The following NCOR2 variants were observed in gnomAD, a reference collection of about 807,000 sequenced individuals.
NCOR2 encodes the protein CTG repeat protein 26.
Under a neutral mutation model 262.9 loss-of-function variants are expected in NCOR2, and 81 were observed. The ratio of observed to expected loss-of-function variants is 0.31; its 90% CI spans 0.26 to 0.37. NCOR2 has a LOEUF of 0.37. Ranked by LOEUF, NCOR2 falls within the 10% of genes least tolerant of loss-of-function variation. NCOR2 has a pLI of 1.00. For missense variants in NCOR2, 3,385 were observed against 3,621.4 expected (o/e 0.93, Z 1.68); for synonymous variants, 1,659 against 1,559.3 (o/e 1.06, Z -1.51).
At chr12:124,545,385 T>C (rs1382550859) in intron 1 of NCOR2, among the ~76,000 whole-genome samples, 1 of 152,116 alleles carries the variant, frequency 6.6e-6, no homozygotes, top group Non-Finnish European at 1.5e-5. Flanking sequence ...AGATCTTCCA[T>C]GGGCAGGGCT....
chr12:124,334,365 C>T, intron 41 of NCOR2, 59 bp downstream of exon 43: 2 of 1,278,032 alleles, frequency 1.6e-6, no homozygotes, highest in Non-Finnish European at 2.2e-6. Context: ...CTGAGGCAGG[C>T]AGCTGACGAA....
chr12:124,467,774 TCATCATCCTTATCCTCATCACCCC>T (rs1403631844), intron 4 of NCOR2, among the ~76,000 whole-genome samples: 2,492 of 48,720 alleles, frequency 0.051, 81 homozygotes, highest in East Asian at 0.073. Context: ...CCCATCACCC[TCATCATCCTTATCCTCATCACCCC>T]CATCATCCTC....
At chr12:124,451,234 C>A (rs1240587317) in intron 6 of NCOR2, among the ~76,000 whole-genome samples, 5 of 152,262 alleles carry the variant, frequency 3.3e-5, no homozygotes, top group South Asian at 2.1e-4. Flanking sequence ...CCCCCCGACT[C>A]CCTCGCTGGC....
chr12:124,532,258 G>A (rs1169006228), intron 1 of NCOR2, among the ~76,000 whole-genome samples: 2 of 151,578 alleles, frequency 1.3e-5, no homozygotes, highest in Non-Finnish European at 2.9e-5. Flanking sequence ...CTCAGAAAAG[G>A]CTGCACCCCC....
upstream of NCOR2, among the ~76,000 whole-genome samples, chr12:124,499,795 A>C (rs1243000): frequency 0.35 from 53,195 of 151,884 alleles, 10,232 homozygotes; most frequent in African/African-American, 0.45. Flanking sequence ...GTTGCGGGGG[A>C]GAGTAAAGGG....
intron 16 of NCOR2, among the ~76,000 whole-genome samples, chr12:124,390,415 C>T (rs1406205661): frequency 6.6e-6 from 1 of 152,142 alleles, no homozygotes; most frequent in Non-Finnish European, 1.5e-5. Context: ...CTTGTCTTCC[C>T]TCTGGTCTTG....
intron 13 of NCOR2, among the ~76,000 whole-genome samples, chr12:124,411,147 G>A (rs1332595428): frequency 2.0e-5 from 3 of 151,492 alleles, no homozygotes; most frequent in East Asian, 1.9e-4. Context: ...AGAGAGAGAC[G>A]GGAAAGCACA....
Position 124,548,108 on chromosome 12 carries a change from A to G in NCOR2, c.-164-12497T>C, listed in dbSNP as rs569512847. Among the ~76,000 whole-genome samples, 3 of 152,134 alleles carry G rather than the reference A, an allele frequency of 2.0e-5. No homozygotes were observed. Among genetic ancestry groups the G allele is most frequent in the Non-Finnish European group, 2.9e-5 (2 of 67,994 alleles). On this transcript the variant is annotated intron_variant, in intron 1 of 32. Coordinates refer to the NCOR2 transcript ENST00000458234. The surrounding 1 kb of genome is among the most constrained non-coding windows in gnomAD (Gnocchi z 5.1). ...CCCCAGGCCGGGCAGGTCCCCTCCTATGGGACCTCTCCTCCACTCTAACTC... is the reference window on the plus strand; with the variant it reads ...CCCCAGGCCGGGCAGGTCCCCTCCTGTGGGACCTCTCCTCCACTCTAACTC...
At chr12:124,350,834 A>C (rs1454916074) in intron 27 of NCOR2, 97 bp from the exon 30 acceptor site, 1 of 1,299,846 alleles carries the variant, frequency 7.7e-7, no homozygotes, top group Middle Eastern at 2.3e-4. Flanking sequence ...CCATGTGCCC[A>C]CCGATGCACA....
At position 124,337,432 on chromosome 12, in the gene NCOR2, G is replaced by A; in HGVS notation, c.5688-252C>T. The A allele has an allele frequency of 4.4e-6, 3 of 682,126 alleles. No homozygotes were observed. In the South Asian group the frequency reaches 4.5e-5, roughly 10 times the overall value. 42.3% of individuals were successfully genotyped at this position (682,126 alleles called of 1,614,324 possible). On this transcript the variant is annotated intron_variant, in intron 37 of 46. Transcript: ENST00000405201. ...CTACTAGGTGCCAGGCACTGTTCTA[G>A]ACACTGTGAATACAGCGGTCATAAA...
upstream of NCOR2, among the ~76,000 whole-genome samples, chr12:124,497,272 C>T (rs190048336): frequency 8.3e-4 from 127 of 152,342 alleles, no homozygotes; most frequent in African/African-American, 2.9e-3. This position sits in a 1 kb window ranked among gnomAD's most constrained non-coding sequence, Gnocchi z 4.2. Flanking sequence ...ACCACCACCT[C>T]GGTCCTGCCT....
chr12:124,418,909 G>A (rs573232271), intron 13 of NCOR2, among the ~76,000 whole-genome samples: 12 of 152,196 alleles, frequency 7.9e-5, no homozygotes, highest in South Asian at 6.2e-4. Context: ...CGCTCCACGC[G>A]GCTCGTGCTA....
intron 44 of NCOR2, chr12:124,328,878 C>T (rs1266979216): frequency 3.1e-5 from 7 of 227,532 alleles, no homozygotes; most frequent in South Asian, 2.6e-4. Context: ...GTTTCAAATA[C>T]GTTTGTAGCC....
intron 1 of NCOR2, among the ~76,000 whole-genome samples, chr12:124,535,110 G>A (rs1054275602): frequency 6.6e-6 from 1 of 152,224 alleles, no homozygotes; most frequent in East Asian, 1.9e-4. Context: ...TTGCCTGCTA[G>A]GCATGGGGAC....
At position 124,430,560 on chromosome 12, in the gene NCOR2, C is replaced by T; in HGVS notation, c.1055+55G>A. 1.4e-5 allele frequency: 21 copies of T among 1,553,750 alleles called. No homozygotes were observed. The South Asian group carries it at 2.2e-4, about 16-fold the overall frequency. ...GGCCAGGCCATCTCTACTGAGGATG[C>T]TGGAGCTGACCCCGGGCCCTGACGT... On this transcript the variant is annotated intron_variant, in intron 9 of 46. Coordinates refer to ENST00000405201, the Ensembl canonical transcript of NCOR2.
chr12:124,341,342 T>A (rs1274252080), intron 34 of NCOR2, among the ~76,000 whole-genome samples: 1 of 151,918 alleles, frequency 6.6e-6, no homozygotes, highest in African/African-American at 2.4e-5. Context: ...TGGGTTCAAG[T>A]GATTCTCTTG....
intron 1 of NCOR2, among the ~76,000 whole-genome samples, chr12:124,542,210 C>G (rs569156076): frequency 6.6e-6 from 1 of 152,132 alleles, no homozygotes; most frequent in East Asian, 1.9e-4. Flanking sequence ...ACCAGACCTG[C>G]AGCAGCCACA....
intron 1 of NCOR2, among the ~76,000 whole-genome samples, chr12:124,500,873 G>C (rs183552150): frequency 3.0e-4 from 45 of 152,260 alleles, no homozygotes; most frequent in South Asian, 1.0e-3. Flanking sequence ...GGATGTGCCC[G>C]GAGCGCTCAG....
chr12:124,527,200 G>A (rs574707962), intron 1 of NCOR2, among the ~76,000 whole-genome samples: 9 of 152,082 alleles, frequency 5.9e-5, no homozygotes, highest in Non-Finnish European at 1.3e-4. Context: ...TGACAAACAC[G>A]GCGCCCCGCA....
Sources: gnomAD v4.1 joint callset for allele counts (sites outside exome capture counted in the v4.1 genomes callset) on GRCh38, gnomAD v4.1.1 for gene constraint, Gnocchi (gnomAD v3.1) non-coding constraint, MANE v1.5 for transcripts, NCBI Gene and HGNC (gene_info 2026-07-23, HGNC 2026-07-21) for gene names.